FBXL7: variants seen among roughly 807,000 people sequenced by gnomAD.
FBXL7 encodes F-box and leucine rich repeat protein 7.
In FBXL7, 12 loss-of-function variants were observed where a neutral mutation model predicts 38.3. That is an observed-to-expected ratio of 0.31 (90% CI 0.20 to 0.51). FBXL7 has a LOEUF of 0.51. Ranked by LOEUF, FBXL7 falls within the 20% of genes least tolerant of loss-of-function variation. FBXL7 has a pLI of 0.98. For missense variants in FBXL7, 567 were observed against 676.4 expected, an observed-to-expected ratio of 0.84 and a Z score of 1.79; for synonymous variants, 297 against 300.9, an observed-to-expected ratio of 0.99 and a Z score of 0.13.
At chr5:15,706,883 G>A (rs545618120) in intron 2 of FBXL7, among the ~76,000 whole-genome samples, 9 of 152,066 alleles carry the variant, frequency 5.9e-5, no homozygotes, top group Admixed American at 2.0e-4. Context: ...ATGTCTTCCC[G>A]ACATCTCAAA....
intron 2 of FBXL7, among the ~76,000 whole-genome samples, chr5:15,722,412 C>A (rs949176517): frequency 6.6e-6 from 1 of 152,154 alleles, no homozygotes; most frequent in African/African-American, 2.4e-5. Context: ...AGGCTCCACC[C>A]TCCAGCTACT....
intron 2 of FBXL7, among the ~76,000 whole-genome samples, chr5:15,752,978 G>A (rs553598929): frequency 6.6e-5 from 10 of 152,174 alleles, no homozygotes; most frequent in Non-Finnish European, 1.3e-4. Flanking sequence ...AAATGTTGAC[G>A]TTAGGGCAAA....
chr5:15,561,696 C>T (rs750086189), intron 1 of FBXL7, among the ~76,000 whole-genome samples: 3 of 151,956 alleles, frequency 2.0e-5, no homozygotes, highest in Non-Finnish European at 4.4e-5. Context: ...TACAGAGGTT[C>T]CTTTTACTTC....
intron 2 of FBXL7, among the ~76,000 whole-genome samples, chr5:15,906,487 T>A (rs1741368312): frequency 6.7e-6 from 1 of 148,398 alleles, no homozygotes; most frequent in African/African-American, 2.6e-5. Flanking sequence ...AATTATTATT[T>A]TTTAGTTGTT....
rs984963444 is a variant in FBXL7, at chr5:15,500,670, C to T, written c.-7C>T. On this transcript the variant is annotated 5_prime_UTR_variant, in exon 1 of 4. Coordinates refer to ENST00000504595, the MANE Select transcript of FBXL7 (RefSeq NM_012304.5). ...TCCCGGGAGACGGCGGGCATGACGG[C>T]TACAGGATGGGCGCGAACAATGGCA... The T allele has an allele frequency of 1.2e-6, 2 of 1,613,130 alleles. No individual in the cohort carries two copies. The highest frequency in any genetic ancestry group is 1.7e-6 in the Non-Finnish European group (2 of 1,179,398).
intron 2 of FBXL7, among the ~76,000 whole-genome samples, chr5:15,653,255 G>A (rs1373228376): frequency 6.6e-6 from 1 of 152,098 alleles, no homozygotes; most frequent in Non-Finnish European, 1.5e-5. Context: ...TTGAAAAAAT[G>A]GTGCCAGTAG....
chr5:15,791,107 T>C (rs74856416), intron 2 of FBXL7, among the ~76,000 whole-genome samples: 160 of 152,004 alleles, frequency 1.1e-3, no homozygotes, highest in Admixed American at 2.2e-3. Flanking sequence ...CTAAGCCTTA[T>C]TGTACTCCAC....
intron 2 of FBXL7, among the ~76,000 whole-genome samples, chr5:15,757,346 AAG>A: frequency 6.6e-6 from 1 of 152,188 alleles, no homozygotes. Flanking sequence ...TACAGACTCT[AAG>A]ACCTGGGCAC....
chr5:15,631,878 A>C, intron 2 of FBXL7, among the ~76,000 whole-genome samples: 1 of 152,084 alleles, frequency 6.6e-6, no homozygotes, highest in East Asian at 1.9e-4. Context: ...AACATGGAGG[A>C]CCTAACATGT....
chr5:15,798,684 GA>G (rs1402038100), intron 2 of FBXL7, among the ~76,000 whole-genome samples: 1 of 152,096 alleles, frequency 6.6e-6, no homozygotes, highest in African/African-American at 2.4e-5. Flanking sequence ...ACCTATTCAA[GA>G]AAATTAAAAC....
chr5:15,791,282 C>A (rs1352024845), intron 2 of FBXL7, among the ~76,000 whole-genome samples: 2 of 152,172 alleles, frequency 1.3e-5, no homozygotes, highest in Non-Finnish European at 2.9e-5. Context: ...AAACCTATGA[C>A]AGAACCTAAC....
rs888955377 is a variant in FBXL7 at position 15,824,551 on chromosome 5, G to GA, written c.128-103329dup. 4.1e-4 allele frequency among the ~76,000 whole-genome samples: 59 copies of GA among 143,262 alleles called. 1 individual carries two copies. In the Middle Eastern group the frequency reaches 0.014, roughly 34 times the overall value. 94.0% of individuals were successfully genotyped at this position (143,262 alleles called of 152,430 possible). On this transcript the variant is annotated intron_variant, in intron 2 of 3. Transcript: ENST00000504595. ...CCAGATTGAAAACTTAATTAAAATA[G>GA]AAAAAAAAAAGGTTTTCTGTAGCTG...
intron 2 of FBXL7, among the ~76,000 whole-genome samples, chr5:15,659,764 A>T: frequency 6.6e-6 from 1 of 152,178 alleles, no homozygotes; most frequent in East Asian, 1.9e-4. Context: ...TATTTTCTAG[A>T]TATATTATTA....
intron 2 of FBXL7, among the ~76,000 whole-genome samples, chr5:15,688,168 A>G (rs1033397285): frequency 1.3e-5 from 2 of 152,196 alleles, no homozygotes; most frequent in African/African-American, 2.4e-5. Flanking sequence ...TTGAAATTAT[A>G]TATGTCGGTT....
chr5:15,693,725 A>G (rs1292250005), intron 2 of FBXL7, among the ~76,000 whole-genome samples: 5 of 152,170 alleles, frequency 3.3e-5, no homozygotes, highest in African/African-American at 1.2e-4. Flanking sequence ...CAGATGCTGG[A>G]AGGCCATCAG....
rs192357343 is a variant in FBXL7, at chr5:15,843,368, A to G, written c.128-84522A>G. Among the ~76,000 whole-genome samples the G allele has an allele frequency of 4.9e-3, 749 of 152,292 alleles. 3 individuals carry two copies. Among genetic ancestry groups the G allele is most frequent in the Non-Finnish European group, 7.1e-3 (482 of 68,022 alleles). ...TAGTCTTTCTGGCTTTCCTGTCTAAATGAAAGCTTCACAAGGTCATAGATT... is the reference window on the plus strand; with the variant it reads ...TAGTCTTTCTGGCTTTCCTGTCTAAGTGAAAGCTTCACAAGGTCATAGATT... On this transcript the variant is annotated intron_variant, in intron 2 of 3. Coordinates refer to ENST00000504595, the MANE Select transcript of FBXL7 (RefSeq NM_012304.5).
chr5:15,536,570 G>A (rs1737591998), intron 1 of FBXL7, among the ~76,000 whole-genome samples: 1 of 152,202 alleles, frequency 6.6e-6, no homozygotes. Context: ...GACTTTCGTG[G>A]GGCCTGTAGC....
chr5:15,705,872 CAATA>C (rs754267938), intron 2 of FBXL7, among the ~76,000 whole-genome samples: 116 of 151,198 alleles, frequency 7.7e-4, no homozygotes, highest in African/African-American at 2.6e-3. Flanking sequence ...ATTTTTTTAA[CAATA>C]AATAAATGTT....
At chr5:15,741,276 T>TTG (rs1375277688) in intron 2 of FBXL7, among the ~76,000 whole-genome samples, 3 of 152,240 alleles carry the variant, frequency 2.0e-5, no homozygotes, top group African/African-American at 7.2e-5. Flanking sequence ...CACTTTAAGT[T>TTG]TGTTGATAAA....
Sources: gnomAD v4.1 joint callset for allele counts (sites outside exome capture counted in the v4.1 genomes callset) on GRCh38, gnomAD v4.1.1 for gene constraint, MANE v1.5 for transcripts, NCBI Gene and HGNC (gene_info 2026-07-23, HGNC 2026-07-21) for gene names.